The following SGCZ variants were observed in gnomAD, a reference collection of about 807,000 sequenced individuals.
SGCZ encodes sarcoglycan zeta.
SGCZ carries 40 observed loss-of-function variants against 41.3 expected under a neutral mutation model. That is an observed-to-expected ratio of 0.97 (90% CI 0.75 to 1.26). The LOEUF is 1.26. Ranked by LOEUF, SGCZ falls within the 50% of genes most tolerant of loss-of-function variation. The pLI, the probability that SGCZ is intolerant of heterozygous loss-of-function variation, is 0.00. For missense variants in SGCZ, 552 were observed against 369.8 expected (o/e 1.49, Z -4.04); for synonymous variants, 206 against 137.5 (o/e 1.50, Z -3.49).
At chr8:14,160,889 C>T (rs1804025641) in intron 5 of SGCZ, among the ~76,000 whole-genome samples, 1 of 152,142 alleles carries the variant, frequency 6.6e-6, no homozygotes, top group Non-Finnish European at 1.5e-5. Context: ...TAAATGAATC[C>T]ATCCACTGAA....
chr8:14,923,810 G>T (rs1799663526), intron 1 of SGCZ, among the ~76,000 whole-genome samples: 1 of 152,126 alleles, frequency 6.6e-6, no homozygotes, highest in Non-Finnish European at 1.5e-5. Context: ...TGGTGATTCT[G>T]CTACAAGCAC....
intron 1 of SGCZ, among the ~76,000 whole-genome samples, chr8:14,856,105 C>T (rs903665866): frequency 3.3e-5 from 5 of 152,022 alleles, no homozygotes; most frequent in Admixed American, 6.6e-5. Flanking sequence ...ATATTTAGGT[C>T]GAGGATAGGA....
chr8:15,083,913 T>A (rs1331411684), intron 1 of SGCZ, among the ~76,000 whole-genome samples: 3 of 152,150 alleles, frequency 2.0e-5, no homozygotes, highest in African/African-American at 7.2e-5. Flanking sequence ...AAAGTTAAAT[T>A]CTTCCCCATG....
chr8:14,290,286 C>A (rs183091404), intron 3 of SGCZ, among the ~76,000 whole-genome samples: 2 of 151,398 alleles, frequency 1.3e-5, no homozygotes, highest in Non-Finnish European at 2.9e-5. Context: ...AGGCAAGGAT[C>A]TTTTGTATGA....
chr8:14,373,564 G>A (rs1803989516), intron 2 of SGCZ, among the ~76,000 whole-genome samples: 2 of 152,100 alleles, frequency 1.3e-5, no homozygotes, highest in South Asian at 4.1e-4. Context: ...AAGACTAGAG[G>A]TAGAAATTAA....
intron 1 of SGCZ, among the ~76,000 whole-genome samples, chr8:14,799,504 C>T (rs1052658888): frequency 2.0e-5 from 3 of 151,928 alleles, no homozygotes; most frequent in Admixed American, 1.3e-4. Flanking sequence ...CCAGTCTAAC[C>T]CTGGCATGGT....
intron 1 of SGCZ, among the ~76,000 whole-genome samples, chr8:14,912,660 C>T (rs1799310997): frequency 6.6e-6 from 1 of 152,026 alleles, no homozygotes; most frequent in Non-Finnish European, 1.5e-5. Flanking sequence ...CTCTGAAAGT[C>T]ACCATTCACC....
intron 2 of SGCZ, among the ~76,000 whole-genome samples, chr8:14,493,818 G>A (rs759522595): frequency 6.6e-6 from 1 of 151,856 alleles, no homozygotes; most frequent in African/African-American, 2.4e-5. Context: ...CCTCCGTAGT[G>A]GGATTATTTT....
chr8:14,394,650 G>C (rs1434949292), intron 2 of SGCZ, among the ~76,000 whole-genome samples: 1 of 151,946 alleles, frequency 6.6e-6, no homozygotes, highest in Non-Finnish European at 1.5e-5. Flanking sequence ...GTAATCCGTG[G>C]GTGAAATGAA....
At chr8:14,422,361 T>C (rs1016887568) in intron 2 of SGCZ, among the ~76,000 whole-genome samples, 1 of 152,218 alleles carries the variant, frequency 6.6e-6, no homozygotes, top group African/African-American at 2.4e-5. Context: ...CTAGTATGTA[T>C]ATTTACTTTG....
intron 1 of SGCZ, among the ~76,000 whole-genome samples, chr8:15,229,225 T>C (rs1037664803): frequency 1.3e-5 from 2 of 152,112 alleles, no homozygotes; most frequent in Non-Finnish European, 1.5e-5. Flanking sequence ...TTATAAGTTG[T>C]TCAGAAGAGA....
chr8:14,703,838 G>A (rs367929841), intron 1 of SGCZ, among the ~76,000 whole-genome samples: 5 of 151,886 alleles, frequency 3.3e-5, no homozygotes, highest in East Asian at 3.9e-4. Flanking sequence ...AGAAGTTGAC[G>A]ACTCATGCCA....
At chr8:14,915,446 A>T (rs1799404591) in intron 1 of SGCZ, among the ~76,000 whole-genome samples, 2 of 152,132 alleles carry the variant, frequency 1.3e-5, no homozygotes, top group Non-Finnish European at 2.9e-5. Flanking sequence ...TGTAAAATCA[A>T]GCTGCAGACA....
chr8:14,587,260 G>C (rs965062871), intron 1 of SGCZ, among the ~76,000 whole-genome samples: 1 of 151,220 alleles, frequency 6.6e-6, no homozygotes, highest in African/African-American at 2.4e-5. Flanking sequence ...AGAAGATATA[G>C]CCAGATTTTT....
At chr8:14,391,111 A>T (rs1804754315) in intron 2 of SGCZ, among the ~76,000 whole-genome samples, 1 of 152,128 alleles carries the variant, frequency 6.6e-6, no homozygotes, top group Non-Finnish European at 1.5e-5. Context: ...AACCAACCCA[A>T]TTACATATGT....
At chr8:14,489,678 A>G (rs1396502862) in intron 2 of SGCZ, among the ~76,000 whole-genome samples, 1 of 151,184 alleles carries the variant, frequency 6.6e-6, no homozygotes, top group African/African-American at 2.4e-5. Context: ...TTTCTTATAT[A>G]TTATTAAATA....
intron 2 of SGCZ, among the ~76,000 whole-genome samples, chr8:14,441,874 G>C (rs1448918213): frequency 1.3e-5 from 2 of 152,038 alleles, no homozygotes; most frequent in Admixed American, 1.3e-4. Context: ...GAGAATGTTT[G>C]TCTTAAAGGC....
At chr8:14,545,657 A>C (rs1563400226) in intron 2 of SGCZ, among the ~76,000 whole-genome samples, 1 of 152,140 alleles carries the variant, frequency 6.6e-6, no homozygotes, top group Non-Finnish European at 1.5e-5. Flanking sequence ...ACAAGGGCAA[A>C]TGGTTTTAAT....
chr8:14,405,367 AC>A (rs1799185324), intron 2 of SGCZ, among the ~76,000 whole-genome samples: 2 of 152,186 alleles, frequency 1.3e-5, no homozygotes, highest in Non-Finnish European at 2.9e-5. Flanking sequence ...TTTTTCTCAC[AC>A]ACATTCCATT....
Sources: gnomAD v4.1 joint callset for allele counts (sites outside exome capture counted in the v4.1 genomes callset) on GRCh38, gnomAD v4.1.1 for gene constraint, MANE v1.5 for transcripts, NCBI Gene and HGNC (gene_info 2026-07-23, HGNC 2026-07-21) for gene names.